Variants in RPS6KA3 observed in about 807,000 individuals in gnomAD.
The protein encoded by RPS6KA3 is ribosomal protein S6 kinase A3, also known as ribosomal protein S6 kinase alpha-3.
In RPS6KA3, 4 loss-of-function variants were observed where a neutral mutation model predicts 67.2. The observed-to-expected ratio is 0.06, with a 90% CI of 0.03 to 0.14. RPS6KA3 has a LOEUF of 0.14. RPS6KA3 is among the 10% of genes least tolerant of loss of function. RPS6KA3 has a pLI of 1.00. For synonymous variants in RPS6KA3, 182 were observed against 183.7 expected, an observed-to-expected ratio of 0.99 and a Z score of 0.07; for missense variants, 204 against 559.0, an observed-to-expected ratio of 0.36 and a Z score of 6.40.
At chrX:20,225,081 A>G (rs1213726510) in intron 2 of RPS6KA3, among the ~76,000 whole-genome samples, 1 of 111,134 alleles carries the variant, frequency 9.0e-6, no homozygotes, top group Non-Finnish European at 1.9e-5. Context: ...CTTGAACATA[A>G]TTAAGTCACT....
At chrX:20,164,435 G>A (rs941663550) in intron 18 of RPS6KA3, among the ~76,000 whole-genome samples, 5 of 102,253 alleles carry the variant, frequency 4.9e-5, no homozygotes, top group Non-Finnish European at 7.9e-5. Context: ...GACCCAGGCT[G>A]GAGTGCAGTG....
chrX:20,255,937 C>A (rs2070039956), intron 1 of RPS6KA3, among the ~76,000 whole-genome samples: 1 of 102,997 alleles, frequency 9.7e-6, no homozygotes, highest in African/African-American at 3.6e-5. Context: ...TGGAGAAACC[C>A]CATTTCTACC....
chrX:20,159,565 T>C (rs906331219), intron 20 of RPS6KA3, among the ~76,000 whole-genome samples: 3 of 111,699 alleles, frequency 2.7e-5, no homozygotes, highest in Non-Finnish European at 5.6e-5. Flanking sequence ...AGGCTGTGAG[T>C]TGGATGTAAT....
intron 15 of RPS6KA3, among the ~76,000 whole-genome samples, chrX:20,172,214 T>C (rs1322734073): frequency 1.8e-5 from 2 of 112,462 alleles, no homozygotes; most frequent in Non-Finnish European, 3.8e-5. Flanking sequence ...GACTAAAGGT[T>C]TGAAATTCAA....
intron 7 of RPS6KA3, among the ~76,000 whole-genome samples, chrX:20,190,303 C>A (rs2068090314): frequency 8.9e-6 from 1 of 111,914 alleles, no homozygotes; most frequent in South Asian, 3.7e-4. Flanking sequence ...AAACCCTTAA[C>A]AGTTCATAAA....
Position 20,245,298 on chromosome X carries a change from G to A in RPS6KA3, c.70-10484C>T, listed in dbSNP as rs767192101. ...AATTTTGGGGGGTTTTCGTACCCAA[G>A]GAAGTTACTGATTCTATGTTTAAAG... On this transcript the variant is annotated intron_variant, in intron 1 of 21. Transcript: ENST00000379565. Among the ~76,000 whole-genome samples the A allele has an allele frequency of 5.4e-5, 6 of 111,825 alleles. No individual in the cohort carries two copies. In the East Asian group the frequency reaches 1.7e-3, roughly 31 times the overall value.
At chrX:20,165,472 G>A (rs751130677) in intron 17 of RPS6KA3, among the ~76,000 whole-genome samples, 11 of 111,477 alleles carry the variant, frequency 9.9e-5, no homozygotes, top group South Asian at 3.8e-4. Context: ...CACAGTTCTG[G>A]GGGAAGCAGA....
intron 18 of RPS6KA3, among the ~76,000 whole-genome samples, chrX:20,164,353 G>A (rs1231499029): frequency 1.8e-5 from 2 of 108,300 alleles, no homozygotes; most frequent in African/African-American, 3.4e-5. Context: ...GAATACCGGA[G>A]CAGGTAGGGA....
intron 3 of RPS6KA3, among the ~76,000 whole-genome samples, chrX:20,208,985 G>C (rs1193833122): frequency 4.5e-5 from 5 of 110,997 alleles, no homozygotes; most frequent in African/African-American, 1.6e-4. Flanking sequence ...GACTCAAAAA[G>C]AGGCCAGTGT....
At chrX:20,187,786 C>G in intron 9 of RPS6KA3, 42 bp downstream of exon 9, 1 of 1,111,723 alleles carries the variant, frequency 9.0e-7, no homozygotes, top group Non-Finnish European at 1.2e-6. Flanking sequence ...CCTCACTTAA[C>G]AATCTCCTTC....
chrX:20,168,489 A>G (rs768617353), intron 16 of RPS6KA3, among the ~76,000 whole-genome samples: 2 of 111,954 alleles, frequency 1.8e-5, no homozygotes, highest in East Asian at 5.6e-4. Flanking sequence ...TGAAAACTAC[A>G]GAGGAAGGCA....
chrX:20,155,287 A>C lies in RPS6KA3; in HGVS notation c.*111T>G. ...CAGCAGGAACAGCAGCATTATGGGT[A>C]CCAGCTGGGACAGTGTGTGCTTGCA... is the stretch of plus-strand genomic sequence containing the variant. On this transcript the variant is annotated 3_prime_UTR_variant, in exon 22 of 22. Transcript: ENST00000379565. The C allele has an allele frequency of 2.6e-5, 21 of 814,326 alleles. No homozygotes were observed. The highest frequency in any genetic ancestry group is 3.4e-5 in the Non-Finnish European group (18 of 535,638). 67.1% of individuals were successfully genotyped at this position (814,326 alleles called of 1,213,427 possible). A position where few individuals can be genotyped will look rare whatever the true frequency, so the allele number is the denominator to read the frequency against.
intron 2 of RPS6KA3, among the ~76,000 whole-genome samples, chrX:20,221,891 C>T (rs1449082156): frequency 1.8e-5 from 2 of 112,387 alleles, no homozygotes; most frequent in Non-Finnish European, 3.8e-5. Flanking sequence ...TTATTTGGCA[C>T]GTTGTCCTCC....
chrX:20,219,251 T>C (rs978813495), intron 2 of RPS6KA3, among the ~76,000 whole-genome samples: 7 of 111,756 alleles, frequency 6.3e-5, no homozygotes, highest in Non-Finnish European at 9.4e-5. Context: ...CTGAAACTAG[T>C]TGCCACTACT....
chrX:20,168,768 T>A (rs2067501821), intron 16 of RPS6KA3, among the ~76,000 whole-genome samples: 2 of 112,753 alleles, frequency 1.8e-5, no homozygotes, highest in South Asian at 7.2e-4. Context: ...CAAACATATC[T>A]TTATTGATAA....
chrX:20,182,948 A>T (rs1416220719), intron 10 of RPS6KA3, among the ~76,000 whole-genome samples: 1 of 111,338 alleles, frequency 9.0e-6, no homozygotes, highest in Non-Finnish European at 1.9e-5. Context: ...GCTCCTGTCA[A>T]TCTTTTTAAT....
chrX:20,181,070 G>T (rs993327498), intron 10 of RPS6KA3, among the ~76,000 whole-genome samples: 1 of 111,798 alleles, frequency 8.9e-6, no homozygotes, highest in South Asian at 3.7e-4. Flanking sequence ...GTTTTATGTG[G>T]ATGTGTAAGA....
intron 11 of RPS6KA3, 93 bp downstream of exon 11, chrX:20,176,903 G>A (rs999129378): frequency 1.1e-5 from 8 of 696,607 alleles, no homozygotes; most frequent in Non-Finnish European, 1.8e-5. Context: ...TGTCTAAATA[G>A]TTAATAATTC....
intron 3 of RPS6KA3, among the ~76,000 whole-genome samples, chrX:20,204,861 T>A: frequency 9.0e-6 from 1 of 111,009 alleles, no homozygotes; most frequent in Non-Finnish European, 1.9e-5. Flanking sequence ...GATCGTACCA[T>A]TGCACTCCAG....
Sources: allele counts gnomAD v4.1 joint callset (sites outside exome capture counted in the v4.1 genomes callset), GRCh38; gene constraint gnomAD v4.1.1; transcripts MANE v1.5; gene names NCBI Gene and HGNC (gene_info 2026-07-23, HGNC 2026-07-21).